BCKDHB: variants seen among roughly 807,000 people sequenced by gnomAD.
BCKDHB encodes branched chain keto acid dehydrogenase E1 subunit beta, also known as 2-oxoisovalerate dehydrogenase subunit beta, mitochondrial.
BCKDHB carries 41 observed loss-of-function variants against 48.5 expected under a neutral mutation model. The ratio of observed to expected loss-of-function variants is 0.85; its 90% CI spans 0.66 to 1.10. The LOEUF is 1.10. BCKDHB is among the 50% of genes least tolerant of loss of function. BCKDHB has a pLI of 0.00. For missense variants in BCKDHB, 496 were observed against 494.2 expected (o/e 1.00, Z -0.03); for synonymous variants, 201 against 174.8 (o/e 1.15, Z -1.18).
chr6:80,135,616 C>T (rs954026752), intron 3 of BCKDHB, among the ~76,000 whole-genome samples: 2 of 152,042 alleles, frequency 1.3e-5, no homozygotes, highest in East Asian at 1.9e-4. Context: ...GTTTAATATG[C>T]CTTTTTTTCC....
chr6:80,260,293 G>T lies in BCKDHB; in HGVS notation c.952-12842G>T, dbSNP rs544422985. Among the ~76,000 whole-genome samples, 12 of 152,088 alleles carry T rather than the reference G, an allele frequency of 7.9e-5. No homozygotes were observed. In the South Asian group the frequency reaches 2.5e-3, roughly 32 times the overall value. ...AATGTTTTGAGAAAACTGTATTTTG[G>T]GTAACTTACTAAAACTTCTTTTAGT... On this transcript the variant is annotated intron_variant, in intron 8 of 9. Coordinates refer to ENST00000320393, the MANE Select transcript of BCKDHB (RefSeq NM_183050.4).
chr6:80,414,579 G>A, the BCKDHB span, among the ~76,000 whole-genome samples: 1 of 152,086 alleles, frequency 6.6e-6, no homozygotes, highest in Non-Finnish European at 1.5e-5. Flanking sequence ...TAAGGGTGCA[G>A]CCATACTTCT....
intron 3 of BCKDHB, among the ~76,000 whole-genome samples, chr6:80,132,174 T>C (rs1770663520): frequency 6.6e-6 from 1 of 152,078 alleles, no homozygotes; most frequent in African/African-American, 2.4e-5. Context: ...CCTGTCTGAT[T>C]ACCTGGTAGA....
intron 9 of BCKDHB, among the ~76,000 whole-genome samples, chr6:80,318,707 A>C (rs1768565184): frequency 6.6e-6 from 1 of 151,354 alleles, no homozygotes; most frequent in Non-Finnish European, 1.5e-5. Flanking sequence ...AAAAAAAAGA[A>C]AAGAAATTAG....
chr6:80,200,823 GA>G lies in BCKDHB; in HGVS notation c.743-108del. ...TGTTTTAAGTAATACAGAATTTAGA[GA>G]AACAAAAAATAAAATAAAGCTTTGC... On this transcript the variant is annotated intron_variant, in intron 6 of 9. Coordinates refer to ENST00000320393, the MANE Select transcript of BCKDHB (RefSeq NM_183050.4). 5.7e-6 allele frequency: 5 copies of G among 878,846 alleles called. No homozygotes were observed. The South Asian group carries it at 6.0e-5, about 10-fold the overall frequency. The allele number at this position is 878,846 out of a possible 1,614,324, so 54.4% of individuals were successfully genotyped here. A position where few individuals can be genotyped will look rare whatever the true frequency, so the allele number is the denominator to read the frequency against.
chr6:80,342,945 G>A (rs1237790438), intron 9 of BCKDHB, among the ~76,000 whole-genome samples: 1 of 152,146 alleles, frequency 6.6e-6, no homozygotes, highest in Non-Finnish European at 1.5e-5. Context: ...AGATAATTGG[G>A]CAACTACAAT....
chr6:80,143,380 A>G (rs1771318672), intron 3 of BCKDHB, among the ~76,000 whole-genome samples: 1 of 152,120 alleles, frequency 6.6e-6, no homozygotes, highest in Non-Finnish European at 1.5e-5. Flanking sequence ...CCTTTAATGC[A>G]GTTATAAAGT....
At chr6:80,121,571 C>T (rs1449498980) in intron 1 of BCKDHB, among the ~76,000 whole-genome samples, 1 of 152,114 alleles carries the variant, frequency 6.6e-6, no homozygotes, top group Non-Finnish European at 1.5e-5. Flanking sequence ...TTGAAGAGGT[C>T]CTTCACATTC....
intron 9 of BCKDHB, among the ~76,000 whole-genome samples, chr6:80,281,129 G>A (rs1778177510): frequency 6.6e-6 from 1 of 152,012 alleles, no homozygotes; most frequent in African/African-American, 2.4e-5. Flanking sequence ...GAGAATCTAA[G>A]GTGTAGGAAA....
At chr6:80,354,679 G>T in the BCKDHB span, among the ~76,000 whole-genome samples, 1 of 152,154 alleles carries the variant, frequency 6.6e-6, no homozygotes, top group Admixed American at 6.5e-5. Flanking sequence ...ATCTTGAGTT[G>T]ATTTTTGTAT....
intron 9 of BCKDHB, among the ~76,000 whole-genome samples, chr6:80,280,090 A>G (rs548753345): frequency 6.6e-6 from 1 of 152,328 alleles, no homozygotes; most frequent in Admixed American, 6.5e-5. Flanking sequence ...CTGTAGCGTA[A>G]GGTAAGCGTT....
chr6:80,415,882 C>A, the BCKDHB span, among the ~76,000 whole-genome samples: 1 of 151,348 alleles, frequency 6.6e-6, no homozygotes, highest in African/African-American at 2.4e-5. Flanking sequence ...TAGAATTCAC[C>A]TGTGAATCTA....
intron 5 of BCKDHB, 23 bp from the exon 6 acceptor site, chr6:80,171,259 C>G: frequency 6.8e-7 from 1 of 1,469,416 alleles, no homozygotes; most frequent in Non-Finnish European, 9.5e-7. Context: ...CTAAAATTGT[C>G]TTAAAAAAAT....
the BCKDHB span, among the ~76,000 whole-genome samples, chr6:80,433,529 AG>A: frequency 3.5e-4 from 54 of 152,200 alleles, no homozygotes; most frequent in Non-Finnish European, 6.9e-4. Flanking sequence ...TAAGTGTCCC[AG>A]GTTGATCTCA....
intron 8 of BCKDHB, among the ~76,000 whole-genome samples, chr6:80,251,238 T>C (rs1776824495): frequency 2.0e-5 from 3 of 152,320 alleles, no homozygotes; most frequent in Middle Eastern, 6.8e-3. Flanking sequence ...TTCTGACTCA[T>C]CTGCTAGATC....
intron 9 of BCKDHB, among the ~76,000 whole-genome samples, chr6:80,301,767 T>C (rs1177756892): frequency 6.6e-6 from 1 of 152,106 alleles, no homozygotes; most frequent in Non-Finnish European, 1.5e-5. Flanking sequence ...GCAAACCGAA[T>C]TCAGTAGCAC....
At chr6:80,194,786 C>A (rs925726287) in intron 6 of BCKDHB, among the ~76,000 whole-genome samples, 1 of 152,140 alleles carries the variant, frequency 6.6e-6, no homozygotes, top group Non-Finnish European at 1.5e-5. Flanking sequence ...AGCCTTTGTG[C>A]AGCTAATTAT....
At chr6:80,388,554 C>T in the BCKDHB span, among the ~76,000 whole-genome samples, 1 of 152,132 alleles carries the variant, frequency 6.6e-6, no homozygotes, top group Non-Finnish European at 1.5e-5. Flanking sequence ...GGGGTATGCA[C>T]AGCAGGATTT....
the BCKDHB span, among the ~76,000 whole-genome samples, chr6:80,420,200 G>T: frequency 1.3e-5 from 2 of 152,046 alleles, no homozygotes; most frequent in Non-Finnish European, 2.9e-5. Flanking sequence ...TGTTCCTTTG[G>T]TCCTGTCACA....
Sources: allele counts gnomAD v4.1 joint callset (sites outside exome capture counted in the v4.1 genomes callset), GRCh38; gene constraint gnomAD v4.1.1; transcripts MANE v1.5; gene names NCBI Gene and HGNC (gene_info 2026-07-23, HGNC 2026-07-21).